The following MAP4 variants were observed in gnomAD, a reference collection of about 807,000 sequenced individuals.
MAP4 encodes the protein microtubule-associated protein 4.
MAP4 carries 76 observed loss-of-function variants against 170.2 expected under a neutral mutation model. The observed-to-expected ratio is 0.45, with a 90% CI of 0.37 to 0.54. The LOEUF is 0.54. Ranked by LOEUF, MAP4 falls within the 20% of genes least tolerant of loss-of-function variation. The pLI is 0.00. For synonymous variants in MAP4, 909 were observed against 994.5 expected (o/e 0.91, Z 1.62); for missense variants, 2,506 against 2,748.0 (o/e 0.91, Z 1.97).
At chr3:47,993,035 T>C (rs764669101) in intron 2 of MAP4, among the ~76,000 whole-genome samples, 2 of 152,110 alleles carry the variant, frequency 1.3e-5, no homozygotes, top group Non-Finnish European at 2.9e-5. Context: ...TCTGCTAAAA[T>C]TGAAGCAAAA....
chr3:47,879,009 A>G (rs1273425510), intron 10 of MAP4, among the ~76,000 whole-genome samples: 2 of 152,246 alleles, frequency 1.3e-5, no homozygotes, highest in African/African-American at 4.8e-5. Flanking sequence ...ATTCTAATCT[A>G]GAAAACCAAT....
intron 1 of MAP4, among the ~76,000 whole-genome samples, chr3:48,059,580 A>T (rs1229031997): frequency 6.6e-6 from 1 of 151,500 alleles, no homozygotes; most frequent in African/African-American, 2.4e-5. Flanking sequence ...ATGGCAAGCC[A>T]TACTTATTTT....
At chr3:48,075,564 G>T (rs779329547) in intron 1 of MAP4, among the ~76,000 whole-genome samples, 17 of 151,836 alleles carry the variant, frequency 1.1e-4, no homozygotes, top group Non-Finnish European at 2.2e-4. Flanking sequence ...ACACCTCTGT[G>T]GTCAATTGAC....
intron 10 of MAP4, among the ~76,000 whole-genome samples, chr3:47,894,515 G>A (rs1231896230): frequency 1.3e-5 from 2 of 151,942 alleles, no homozygotes; most frequent in South Asian, 2.1e-4. Context: ...CCCACGAGGC[G>A]GAGCTTGCAG....
chr3:48,023,959 G>A (rs1174683384), intron 1 of MAP4, among the ~76,000 whole-genome samples: 1 of 152,170 alleles, frequency 6.6e-6, no homozygotes, highest in Non-Finnish European at 1.5e-5. Flanking sequence ...TAAATTCAGA[G>A]TAACCAAAGA....
chr3:47,901,989 A>C (rs939553725), intron 10 of MAP4, among the ~76,000 whole-genome samples: 1 of 152,090 alleles, frequency 6.6e-6, no homozygotes, highest in Non-Finnish European at 1.5e-5. Context: ...GTGAGACCCC[A>C]TCTCTACAAA....
chr3:48,063,292 C>A (rs2100136837), intron 1 of MAP4, among the ~76,000 whole-genome samples: 1 of 151,784 alleles, frequency 6.6e-6, no homozygotes, highest in Non-Finnish European at 1.5e-5. Context: ...GTACAGCCAG[C>A]AAGGTGAGCT....
At chr3:47,921,952 T>C in intron 4 of MAP4, 74 bp from the exon 5 acceptor site, 1 of 767,208 alleles carries the variant, frequency 1.3e-6, no homozygotes, top group Non-Finnish European at 2.3e-6. Context: ...TTTCTTTCTT[T>C]CTTTTTTTTT....
At chr3:47,935,786 A>G (rs991947340) in intron 3 of MAP4, among the ~76,000 whole-genome samples, 3 of 151,628 alleles carry the variant, frequency 2.0e-5, no homozygotes, top group East Asian at 3.9e-4. Context: ...AAAATACAAA[A>G]ATTAGCCGGG....
intron 3 of MAP4, among the ~76,000 whole-genome samples, chr3:47,947,960 T>C (rs947165261): frequency 2.6e-5 from 4 of 152,100 alleles, no homozygotes; most frequent in Non-Finnish European, 5.9e-5. Context: ...TACACAAGTC[T>C]ATGTCTTTTG....
intron 17 of MAP4, among the ~76,000 whole-genome samples, chr3:47,860,350 G>A (rs2063555473): frequency 6.6e-6 from 1 of 152,178 alleles, no homozygotes; most frequent in Non-Finnish European, 1.5e-5. Flanking sequence ...ACACCACCAT[G>A]CCCAGCTAAT....
chr3:47,882,599 T>A (rs934424559), intron 10 of MAP4, among the ~76,000 whole-genome samples: 1 of 152,150 alleles, frequency 6.6e-6, no homozygotes, highest in Admixed American at 6.5e-5. Context: ...CTGGTATCAA[T>A]GTTCTACTAC....
intron 2 of MAP4, among the ~76,000 whole-genome samples, chr3:47,979,130 C>T (rs997043219): frequency 6.6e-6 from 1 of 151,744 alleles, no homozygotes; most frequent in African/African-American, 2.4e-5. Context: ...CATATTGAGG[C>T]CTACGGTACA....
Position 48,007,022 on chromosome 3 carries a change from G to T in MAP4, c.-19-8143C>A, listed in dbSNP as rs566960437. Among the ~76,000 whole-genome samples, 3 of 152,324 alleles carry T rather than the reference G, an allele frequency of 2.0e-5. No individual in the cohort carries two copies. The South Asian group carries it at 6.2e-4, about 32-fold the overall frequency. ...TATACCTTTACTGTCCTACCTCAGG[G>T]GTATATCAACTCTCCGGCTTTGTGT... On this transcript the variant is annotated intron_variant, in intron 1 of 20. Transcript: ENST00000683076.
chr3:47,964,449 A>C (rs933636515), intron 3 of MAP4, among the ~76,000 whole-genome samples: 1 of 152,156 alleles, frequency 6.6e-6, no homozygotes, highest in Non-Finnish European at 1.5e-5. Flanking sequence ...ACCAGGACAG[A>C]ATTTCCATTT....
At chr3:47,958,612 C>G (rs553984174) in intron 3 of MAP4, among the ~76,000 whole-genome samples, 2 of 151,404 alleles carry the variant, frequency 1.3e-5, no homozygotes, top group East Asian at 3.9e-4. Context: ...CGCCTCCCAG[C>G]TTCAAGTGAT....
intron 3 of MAP4, among the ~76,000 whole-genome samples, chr3:47,942,851 T>C (rs1451517936): frequency 6.6e-6 from 1 of 152,190 alleles, no homozygotes; most frequent in African/African-American, 2.4e-5. Flanking sequence ...GGCTCACACC[T>C]GTAATCATCG....
intron 19 of MAP4, among the ~76,000 whole-genome samples, chr3:47,854,459 G>A (rs778475630): frequency 5.9e-5 from 9 of 152,176 alleles, no homozygotes; most frequent in Non-Finnish European, 1.0e-4. Flanking sequence ...GGAAGGCCCA[G>A]GGCAGCGGCT....
chr3:48,016,350 G>C lies in MAP4; in HGVS notation c.-36C>G, dbSNP rs2100107826. On this transcript the variant is annotated 5_prime_UTR_variant, in exon 1 of 21. Transcript: ENST00000683076. Reference sequence around the variant, plus strand: ...CTTACTTACAGGAACTATCCAGGCAGCTTGTGTTCAGTCCTGACTAAATGC... The same window carrying C: ...CTTACTTACAGGAACTATCCAGGCACCTTGTGTTCAGTCCTGACTAAATGC... 1 of 152,160 alleles carries C rather than the reference G, an allele frequency of 6.6e-6. No homozygotes were observed. The highest frequency in any genetic ancestry group is 6.6e-5 in the Admixed American group (1 of 15,264). The allele number at this position is 152,160 out of a possible 1,614,324, so 9.4% of individuals were successfully genotyped here. A position where few individuals can be genotyped will look rare whatever the true frequency, so the allele number is the denominator to read the frequency against.
Sources: allele counts gnomAD v4.1 joint callset (sites outside exome capture counted in the v4.1 genomes callset), GRCh38; gene constraint gnomAD v4.1.1; transcripts MANE v1.5; gene names NCBI Gene and HGNC (gene_info 2026-07-23, HGNC 2026-07-21).